The following TRIM59 variants were observed in gnomAD, a reference collection of about 807,000 sequenced individuals.
TRIM59 encodes the protein tripartite motif-containing protein 59.
Under a neutral mutation model 32.2 loss-of-function variants are expected in TRIM59, and 14 were observed. That is an observed-to-expected ratio of 0.43 (90% CI 0.29 to 0.68). The LOEUF (loss-of-function observed/expected upper bound fraction) is 0.68. Among genes scored for constraint, TRIM59 ranks in the 30% least tolerant of loss-of-function variants. The pLI is 0.15. For missense variants in TRIM59, 471 were observed against 463.3 expected, an observed-to-expected ratio of 1.02 and a Z score of -0.15; for synonymous variants, 163 against 155.1, an observed-to-expected ratio of 1.05 and a Z score of -0.38.
chr3:160,447,389 A>C (rs113930534), intron 2 of TRIM59, among the ~76,000 whole-genome samples: 1,577 of 152,330 alleles, frequency 0.01, 32 homozygotes, highest in African/African-American at 0.036. Flanking sequence ...TCTCAGAAAG[A>C]AACCTGAGGC....
chr3:160,440,662 A>G (rs1411799290), intron 2 of TRIM59, among the ~76,000 whole-genome samples: 1 of 152,134 alleles, frequency 6.6e-6, no homozygotes, highest in Non-Finnish European at 1.5e-5. Context: ...ATATAATCCC[A>G]GCACTTTGGG....
At position 160,438,531 on chromosome 3, in the gene TRIM59, T is replaced by A; in HGVS notation, c.653A>T (p.Tyr218Phe). 1 of 1,611,822 alleles carries A rather than the reference T, an allele frequency of 6.2e-7. No homozygotes were observed. Among genetic ancestry groups the A allele is most frequent in the Non-Finnish European group, 8.5e-7 (1 of 1,179,518 alleles). Residue 218 changes from tyrosine to phenylalanine, a missense_variant, in exon 3 of 3, where the codon TAT becomes TTT. Transcript: ENST00000309784. ...CDVGNLINQE[Y>F]TPQIERMKEI... Reference sequence around the variant, plus strand: ...CTTCATTCTTTCAATTTGTGGAGTATATTCTTGATTAATTAGATTGCCAAC... The same window carrying A: ...CTTCATTCTTTCAATTTGTGGAGTAAATTCTTGATTAATTAGATTGCCAAC...
chr3:160,437,944 C>T lies in TRIM59; in HGVS notation c.*28G>A, dbSNP rs371119412. 9 of 1,519,648 alleles carry T rather than the reference C, an allele frequency of 5.9e-6. No individual in the cohort carries two copies. The South Asian group carries it at 1.1e-4, about 19-fold the overall frequency. 94.1% of individuals were successfully genotyped at this position (1,519,648 alleles called of 1,614,324 possible). On this transcript the variant is annotated 3_prime_UTR_variant, in exon 3 of 3. Coordinates refer to ENST00000309784, the MANE Select transcript of TRIM59 (RefSeq NM_173084.3). ...TTTGTTTAGCAATGTACAGAATAAG[C>T]CCATTTAAACAATTCAGGTTGACAT...
At chr3:160,447,991 T>C (rs966953251) in intron 2 of TRIM59, 1 of 152,188 alleles carries the variant, frequency 6.6e-6, no homozygotes, top group African/African-American at 2.4e-5. Flanking sequence ...CTGTCACATA[T>C]AAATATACAA....
intron 2 of TRIM59, among the ~76,000 whole-genome samples, chr3:160,447,350 G>A (rs1006101282): frequency 1.3e-5 from 2 of 151,958 alleles, no homozygotes; most frequent in African/African-American, 4.8e-5. Context: ...TTTTAAAACC[G>A]AGAAATATTA....
At chr3:160,449,243 A>G (rs1045936964) in intron 1 of TRIM59, among the ~76,000 whole-genome samples, 1 of 152,164 alleles carries the variant, frequency 6.6e-6, no homozygotes, top group African/African-American at 2.4e-5. Context: ...AGTATTACCA[A>G]ATACCTCTCA....
At chr3:160,445,631 G>A (rs988016646) in intron 2 of TRIM59, among the ~76,000 whole-genome samples, 1 of 151,494 alleles carries the variant, frequency 6.6e-6, no homozygotes, top group Non-Finnish European at 1.5e-5. Context: ...AAAATTAGCT[G>A]GGCAGGGTGA....
In TRIM59 at chr3:160,437,459, A is replaced by G; in HGVS notation, c.*513T>C. ...ATTTAGGGCTCTTAAATCTATCTCA[A>G]ACACAGGTATGTTTGATCAAAAGAT... On this transcript the variant is annotated 3_prime_UTR_variant, in exon 3 of 3. Coordinates refer to ENST00000309784, the MANE Select transcript of TRIM59 (RefSeq NM_173084.3). The G allele has an allele frequency of 1.0e-6, 1 of 985,422 alleles. No homozygotes were observed. The highest frequency in any genetic ancestry group is 4.7e-5 in the South Asian group (1 of 21,282). The allele number at this position is 985,422 out of a possible 1,614,324, so 61.0% of individuals were successfully genotyped here.
At chr3:160,441,079 ACT>A (rs1356220050) in intron 2 of TRIM59, among the ~76,000 whole-genome samples, 2 of 152,104 alleles carry the variant, frequency 1.3e-5, no homozygotes, top group African/African-American at 4.8e-5. Flanking sequence ...GATCTGTCAA[ACT>A]CTTAACTCTT....
At chr3:160,442,256 C>G (rs1038539883) in intron 2 of TRIM59, among the ~76,000 whole-genome samples, 3 of 152,120 alleles carry the variant, frequency 2.0e-5, no homozygotes, top group Non-Finnish European at 4.4e-5. Context: ...TGAGAATGCA[C>G]TTAGGGGCCC....
intron 1 of TRIM59, 22 bp from the exon 2 acceptor site, chr3:160,448,817 C>A (rs902247213): frequency 9.5e-6 from 11 of 1,159,296 alleles, no homozygotes; most frequent in Non-Finnish European, 1.1e-5. Flanking sequence ...ATAATGTTAT[C>A]TTTAATGTTT....
chr3:160,436,561 G>A lies in TRIM59; in HGVS notation c.*1411C>T. 1 of 973,856 alleles carries A rather than the reference G, an allele frequency of 1.0e-6. No individual in the cohort carries two copies. The highest frequency in any genetic ancestry group is 4.7e-5 in the South Asian group (1 of 21,072). 60.3% of individuals were successfully genotyped at this position (973,856 alleles called of 1,614,324 possible). A position where few individuals can be genotyped will look rare whatever the true frequency, so the allele number is the denominator to read the frequency against. On this transcript the variant is annotated 3_prime_UTR_variant, in exon 3 of 3. Transcript: ENST00000309784. ...CGCCTATAATCCCAGCATTTTGGGA[G>A]GCTGAGGCGAGTGGATCATGAGGTC...
At chr3:160,447,368 A>G (rs1719590358) in intron 2 of TRIM59, among the ~76,000 whole-genome samples, 1 of 152,238 alleles carries the variant, frequency 6.6e-6, no homozygotes, top group South Asian at 2.1e-4. Flanking sequence ...TTAATATAAA[A>G]AAATGAATCT....
chr3:160,440,537 A>G (rs192883056), intron 2 of TRIM59, among the ~76,000 whole-genome samples: 10 of 152,276 alleles, frequency 6.6e-5, no homozygotes, highest in Admixed American at 1.3e-4. Flanking sequence ...ATCAGCCACA[A>G]TTCTAAAGAC....
intron 2 of TRIM59, among the ~76,000 whole-genome samples, chr3:160,442,985 G>C (rs985194998): frequency 6.6e-6 from 1 of 152,164 alleles, no homozygotes; most frequent in East Asian, 1.9e-4. Flanking sequence ...CAGGCACAGT[G>C]ATACACGCCT....
intron 2 of TRIM59, among the ~76,000 whole-genome samples, chr3:160,439,618 G>C (rs2108515409): frequency 6.6e-6 from 1 of 152,206 alleles, no homozygotes; most frequent in Non-Finnish European, 1.5e-5. Context: ...AGTATCACGA[G>C]ATCTGATGGT....
At chr3:160,449,486 A>G (rs2108523485) in intron 1 of TRIM59, 1 of 1,196,814 alleles carries the variant, frequency 8.4e-7, no homozygotes, top group Non-Finnish European at 1.1e-6. Context: ...GCCACCACAG[A>G]GGGCCTCCTC....
chr3:160,446,521 A>C (rs1173288678), intron 2 of TRIM59, among the ~76,000 whole-genome samples: 2 of 152,226 alleles, frequency 1.3e-5, no homozygotes, highest in East Asian at 3.8e-4. Flanking sequence ...GTTCAATGGA[A>C]AAAAAATTTA....
At position 160,438,140 on chromosome 3, in the gene TRIM59, G is replaced by GA. The variant is rs753098891; in HGVS notation, c.1043dup (p.Asn349GlnfsTer10). On this transcript the variant is annotated frameshift_variant, in exon 3 of 3. Coordinates refer to ENST00000309784, the MANE Select transcript of TRIM59 (RefSeq NM_173084.3). LOFTEE classifies it high-confidence loss of function. ...TTAAAAAGGTTATGATGTGTTGGTT[G>GA]AAAAAGAGTATCGACATCAGTATTA... 1.9e-6 allele frequency: 3 copies of GA among 1,611,424 alleles called. No homozygotes were observed. The highest frequency in any genetic ancestry group is 2.2e-5 in the East Asian group (1 of 44,838).
Sources: gnomAD v4.1 joint callset for allele counts (sites outside exome capture counted in the v4.1 genomes callset) on GRCh38, gnomAD v4.1.1 for gene constraint, MANE v1.5 for transcripts, NCBI Gene and HGNC (gene_info 2026-07-23, HGNC 2026-07-21) for gene names.